EXOC6: variants seen among roughly 807,000 people sequenced by gnomAD.
The protein encoded by EXOC6 is SEC15-like 1.
Under a neutral mutation model 112.5 loss-of-function variants are expected in EXOC6, and 60 were observed. The observed-to-expected ratio is 0.53, with a 90% CI of 0.43 to 0.66. The LOEUF (loss-of-function observed/expected upper bound fraction) is 0.66, where lower values mean the gene tolerates loss of function less well. Among genes scored for constraint, EXOC6 ranks in the 30% least tolerant of loss-of-function variants. The pLI is 0.00. For missense variants in EXOC6, 855 were observed against 957.1 expected (o/e 0.89, Z 1.41); for synonymous variants, 295 against 308.0 (o/e 0.96, Z 0.44).
At position 92,915,587 on chromosome 10, in the gene EXOC6, T is replaced by A. The variant is rs12766001; in HGVS notation, c.664-171T>A. ...CTGATTTTTTTTTTTTTTTTTTTTT[T>A]AAAAAAAGGAAATGAGAAGGCAAAA... On this transcript the variant is annotated intron_variant, in intron 6 of 21. Coordinates refer to ENST00000260762, the MANE Select transcript of EXOC6 (RefSeq NM_019053.6). Among the ~76,000 whole-genome samples, 2,934 of 140,248 alleles carry A rather than the reference T, an allele frequency of 0.021. 44 individuals are homozygous for A. Among genetic ancestry groups the A allele is most frequent in the Non-Finnish European group, 0.03 (1,937 of 64,626 alleles). The allele number at this position is 140,248 out of a possible 152,430, so 92.0% of individuals were successfully genotyped here.
At chr10:92,848,827 C>G (rs544683432) in intron 1 of EXOC6, among the ~76,000 whole-genome samples, 193 bp downstream of exon 1, 6 of 152,074 alleles carry the variant, frequency 3.9e-5, no homozygotes, top group Non-Finnish European at 8.8e-5. Context: ...GCGGCTGCAC[C>G]TGTCGGCGCG....
chr10:93,045,174 G>T (rs1033270629), intron 20 of EXOC6, among the ~76,000 whole-genome samples: 1 of 152,114 alleles, frequency 6.6e-6, no homozygotes, highest in Non-Finnish European at 1.5e-5. Flanking sequence ...GCCTGGCCAA[G>T]TATTTAGTTT....
rs1589823408 is a variant in EXOC6, at chr10:92,915,164, A to G, written c.664-594A>G. ...ATTCAGGAAGTTGGGAGTATGGCCA[A>G]AGAGTGTTGGCCAGTCCCCCTTGCC... On this transcript the variant is annotated intron_variant, in intron 6 of 21. Transcript: ENST00000260762. Among the ~76,000 whole-genome samples, 3 of 152,324 alleles carry G rather than the reference A, an allele frequency of 2.0e-5. No individual in the cohort carries two copies. The East Asian group carries it at 5.8e-4, about 29-fold the overall frequency.
At chr10:92,857,251 T>C (rs959225595) in intron 1 of EXOC6, among the ~76,000 whole-genome samples, 7 of 152,006 alleles carry the variant, frequency 4.6e-5, no homozygotes, top group Admixed American at 2.0e-4. Context: ...TAATTAGTGA[T>C]TTTTTGGGAA....
intron 18 of EXOC6, among the ~76,000 whole-genome samples, chr10:92,988,890 G>A (rs1843118565): frequency 6.6e-6 from 1 of 151,832 alleles, no homozygotes; most frequent in Non-Finnish European, 1.5e-5. Context: ...CATATTCATT[G>A]TGTCTTGGAT....
At chr10:92,871,464 A>G (rs565092051) in intron 1 of EXOC6, among the ~76,000 whole-genome samples, 3 of 140,722 alleles carry the variant, frequency 2.1e-5, no homozygotes, top group South Asian at 4.5e-4. Context: ...GTGTTCCTGC[A>G]CTCCTGCCTG....
In EXOC6 at chr10:93,033,557, C is replaced by G. The variant is rs187067254; in HGVS notation, c.2169+19290C>G. 5.5e-3 allele frequency among the ~76,000 whole-genome samples: 833 copies of G among 152,244 alleles called. 7 individuals carry two copies. Among genetic ancestry groups the G allele is most frequent in the African/African-American group, 0.019 (783 of 41,532 alleles). ...TTCCTACTCTCATTTTCTCGTGGCC[C>G]TGGCTTTTCTCAGTTAACTAAGTTA... On this transcript the variant is annotated intron_variant, in intron 20 of 21. Transcript: ENST00000260762.
At chr10:93,038,597 C>T (rs1489621496) in intron 20 of EXOC6, among the ~76,000 whole-genome samples, 2 of 152,162 alleles carry the variant, frequency 1.3e-5, no homozygotes, top group Non-Finnish European at 1.5e-5. Flanking sequence ...GTTCTAGACT[C>T]AAGCAATATT....
At chr10:92,834,659 A>AT (rs11408607), upstream of EXOC6, 345,739 of 953,182 alleles carry the variant, frequency 0.36, 33,367 homozygotes, top group African/African-American at 0.59. Flanking sequence ...GGAAAACGGT[A>AT]TTTTTTTTTT....
intron 1 of EXOC6, among the ~76,000 whole-genome samples, chr10:92,867,510 G>A (rs944531267): frequency 6.6e-6 from 1 of 152,120 alleles, no homozygotes; most frequent in Non-Finnish European, 1.5e-5. Context: ...CCAAGCTTGA[G>A]TAGCCCATGA....
At chr10:93,050,708 C>T (rs1486462741) in intron 20 of EXOC6, among the ~76,000 whole-genome samples, 1 of 142,532 alleles carries the variant, frequency 7.0e-6, no homozygotes, top group Non-Finnish European at 1.5e-5. Flanking sequence ...TGCAGTGAGC[C>T]GAGATCACGC....
In EXOC6 at chr10:92,843,223, C is replaced by T. The variant is rs117278919; in HGVS notation, c.86+8399C>T. Reference sequence around the variant, plus strand: ...CACAGGGTTTTACAGCAGGAATCCTCCCAGACCAGCTGGGCTTTGTTTATT... The same window carrying T: ...CACAGGGTTTTACAGCAGGAATCCTTCCAGACCAGCTGGGCTTTGTTTATT... On this transcript the variant is annotated intron_variant, in intron 1 of 21. Transcript: ENST00000371552. 8.4e-3 allele frequency among the ~76,000 whole-genome samples: 1,284 copies of T among 152,254 alleles called. 13 individuals carry two copies. The highest frequency in any genetic ancestry group is 8.7e-3 in the Non-Finnish European group (592 of 68,016).
intron 19 of EXOC6, among the ~76,000 whole-genome samples, chr10:93,011,603 A>T (rs527249353): frequency 4.4e-4 from 67 of 152,282 alleles, no homozygotes; most frequent in African/African-American, 1.5e-3. Flanking sequence ...CCTTTAATTT[A>T]AACACCTTTT....
chr10:92,970,146 T>C (rs1163803333), intron 17 of EXOC6, among the ~76,000 whole-genome samples: 2 of 152,216 alleles, frequency 1.3e-5, no homozygotes, highest in East Asian at 3.8e-4. Context: ...TAGGGATATA[T>C]CAGTGAATGA....
intron 5 of EXOC6, 182 bp downstream of exon 5, chr10:92,899,826 A>T: frequency 2.0e-6 from 1 of 489,584 alleles, no homozygotes; most frequent in Non-Finnish European, 3.6e-6. Flanking sequence ...TTTTATTAAT[A>T]AATCATTGTC....
chr10:92,975,667 G>GC (rs1842537268), intron 18 of EXOC6, among the ~76,000 whole-genome samples: 2 of 120,332 alleles, frequency 1.7e-5, no homozygotes, highest in East Asian at 2.6e-4. Context: ...GGTGAGGGGC[G>GC]CCTCTGCCCG....
intron 20 of EXOC6, among the ~76,000 whole-genome samples, chr10:93,038,119 G>C (rs892594424): frequency 6.7e-6 from 1 of 148,684 alleles, no homozygotes; most frequent in Middle Eastern, 3.2e-3. Context: ...TTTTGTTACA[G>C]GTTTCTTTCA....
intron 17 of EXOC6, among the ~76,000 whole-genome samples, chr10:92,968,496 A>T (rs1842156580): frequency 6.6e-6 from 1 of 152,128 alleles, no homozygotes; most frequent in Middle Eastern, 3.4e-3. Context: ...TGTTTTACAT[A>T]AAAAAAATTC....
chr10:92,908,192 T>G (rs1043198781), intron 5 of EXOC6, among the ~76,000 whole-genome samples: 4 of 150,560 alleles, frequency 2.7e-5, no homozygotes, highest in Non-Finnish European at 5.9e-5. Context: ...GTAGCTGGGA[T>G]TACAGGTGTG....
Sources: gnomAD v4.1 joint callset for allele counts (sites outside exome capture counted in the v4.1 genomes callset) on GRCh38, gnomAD v4.1.1 for gene constraint, MANE v1.5 for transcripts, NCBI Gene and HGNC (gene_info 2026-07-23, HGNC 2026-07-21) for gene names.